CHML: variants seen among roughly 807,000 people sequenced by gnomAD.
The protein encoded by CHML is CHM like Rab escort protein.
A neutral mutation model predicts 30.4 loss-of-function variants in CHML; 20 were observed. The observed-to-expected ratio is 0.66, with a 90% CI of 0.46 to 0.95. The LOEUF (loss-of-function observed/expected upper bound fraction) is 0.95. Among genes scored for constraint, CHML ranks in the 40% least tolerant of loss-of-function variants. The pLI is 0.00. For missense variants in CHML, 795 were observed against 768.5 expected, an observed-to-expected ratio of 1.03 and a Z score of -0.41; for synonymous variants, 281 against 275.0, an observed-to-expected ratio of 1.02 and a Z score of -0.22.
chr1:241,639,656 C>T (rs566648093), intron 1 of CHML, among the ~76,000 whole-genome samples: 2 of 150,370 alleles, frequency 1.3e-5, no homozygotes, highest in South Asian at 4.2e-4. Flanking sequence ...GAGTCCTGGA[C>T]AGCGTGGGGC....
rs1353153283 is a variant in CHML at position 241,630,537 on chromosome 1, G to A, written c.*3259C>T. 1 of 151,992 alleles carries A rather than the reference G, an allele frequency of 6.6e-6. No individual in the cohort carries two copies. The highest frequency in any genetic ancestry group is 2.4e-5 in the African/African-American group (1 of 41,436). 9.4% of individuals were successfully genotyped at this position (151,992 alleles called of 1,614,324 possible). A position where few individuals can be genotyped will look rare whatever the true frequency, so the allele number is the denominator to read the frequency against. On this transcript the variant is annotated 3_prime_UTR_variant, in exon 2 of 2. Transcript: ENST00000366553. ...TTTTATACTATAAGTTTTAGCAGTT[G>A]TAAAGCCATGTTAATAGAAAATATT...
rs936982663 is a variant in CHML, at chr1:241,635,900, G to A, written c.-134C>T. The stretch of plus-strand genomic sequence containing the variant: ...AAGTTGCAGGTCCTAGCTGTTTAAC[G>A]GTTACCCTTTTAAAATATTTTTTTT... On this transcript the variant is annotated 5_prime_UTR_variant, in exon 2 of 2. Coordinates refer to ENST00000366553, the MANE Select transcript of CHML (RefSeq NM_001381853.1). 2.6e-5 allele frequency: 21 copies of A among 823,450 alleles called. No homozygotes were observed. The African/African-American group carries it at 2.6e-4, about 10-fold the overall frequency. 51.0% of individuals were successfully genotyped at this position (823,450 alleles called of 1,614,324 possible). A position where few individuals can be genotyped will look rare whatever the true frequency, so the allele number is the denominator to read the frequency against.
intron 1 of CHML, 68 bp downstream of exon 1, chr1:241,639,814 G>C: frequency 7.4e-7 from 1 of 1,354,106 alleles, no homozygotes; most frequent in Non-Finnish European, 9.6e-7. Context: ...GCGGACGCAC[G>C]GAGCGGGCAG....
rs557166120 is a variant in CHML at position 241,632,219 on chromosome 1, C to T, written c.*1577G>A. On this transcript the variant is annotated 3_prime_UTR_variant, in exon 2 of 2. Transcript: ENST00000366553. ...TTAGTTCTCATTCTCTCTTGTCCAC[C>T]GCCATGTAAGACGTGCCTTTCACCT... is the stretch of plus-strand genomic sequence containing the variant. 4.8e-4 allele frequency: 73 copies of T among 153,130 alleles called. 1 individual carries two copies. In the East Asian group the frequency reaches 9.2e-3, roughly 19 times the overall value. The allele number at this position is 153,130 out of a possible 1,614,324, so 9.5% of individuals were successfully genotyped here. A position where few individuals can be genotyped will look rare whatever the true frequency, so the allele number is the denominator to read the frequency against.
At position 241,632,388 on chromosome 1, in the gene CHML, C is replaced by T. The variant is rs760364068; in HGVS notation, c.*1408G>A. 9.9e-5 allele frequency: 15 copies of T among 152,138 alleles called. No homozygotes were observed. Among genetic ancestry groups the T allele is most frequent in the Non-Finnish European group, 1.9e-4 (13 of 68,018 alleles). The allele number at this position is 152,138 out of a possible 1,614,324, so 9.4% of individuals were successfully genotyped here. On this transcript the variant is annotated 3_prime_UTR_variant, in exon 2 of 2. Coordinates refer to ENST00000366553, the MANE Select transcript of CHML (RefSeq NM_001381853.1). ...AGAGGGTACATGCGAATTTGCCTCA[C>T]AGGATTGTTGAGAAACTGTCATGAG...
chr1:241,631,826 T>C lies in CHML; in HGVS notation c.*1970A>G, dbSNP rs1425992680. ...AGTGTGTGCTTTTTACCCCCGGCAA[T>C]GCTAGACTAATTTTCGTGGGCACTT... is the stretch of plus-strand genomic sequence containing the variant. On this transcript the variant is annotated 3_prime_UTR_variant, in exon 2 of 2. Transcript: ENST00000366553. The C allele has an allele frequency of 1.3e-5, 2 of 152,164 alleles. No individual in the cohort carries two copies. The highest frequency in any genetic ancestry group is 4.8e-5 in the African/African-American group (2 of 41,452). The allele number at this position is 152,164 out of a possible 1,614,324, so 9.4% of individuals were successfully genotyped here.
intron 1 of CHML, among the ~76,000 whole-genome samples, chr1:241,637,389 T>C (rs1216318212): frequency 1.3e-5 from 2 of 152,210 alleles, no homozygotes; most frequent in African/African-American, 4.8e-5. Context: ...CACTCATTTT[T>C]GGCATTCCCT....
chr1:241,636,135 T>A (rs925838003), intron 1 of CHML, 62 bp from the exon 2 acceptor site: 3 of 414,426 alleles, frequency 7.2e-6, no homozygotes, highest in African/African-American at 6.2e-5. Context: ...AATAATTTCA[T>A]GCAACAATGA....
intron 1 of CHML, among the ~76,000 whole-genome samples, chr1:241,637,921 A>G (rs1371943798): frequency 1.3e-5 from 2 of 152,122 alleles, no homozygotes; most frequent in Non-Finnish European, 2.9e-5. Context: ...CTCCCCTTCA[A>G]TACTCCACTG....
chr1:241,629,137 A>T lies in CHML; in HGVS notation c.*4659T>A, dbSNP rs1664516912. The T allele has an allele frequency of 1.3e-5, 2 of 152,544 alleles. No homozygotes were observed. The highest frequency in any genetic ancestry group is 2.9e-5 in the Non-Finnish European group (2 of 68,008). 9.4% of individuals were successfully genotyped at this position (152,544 alleles called of 1,614,324 possible). A position where few individuals can be genotyped will look rare whatever the true frequency, so the allele number is the denominator to read the frequency against. ...GCAATACACCAAAATTTACTTAACC[A>T]TTTCCAATCGTTGGGCTTTTTTCCC... On this transcript the variant is annotated 3_prime_UTR_variant, in exon 2 of 2. Coordinates refer to ENST00000366553, the MANE Select transcript of CHML (RefSeq NM_001381853.1).
rs138760283 is a variant in CHML, at chr1:241,631,851, T to C, written c.*1945A>G. 1.3e-5 allele frequency: 2 copies of C among 152,234 alleles called. No homozygotes were observed. The highest frequency in any genetic ancestry group is 3.9e-4 in the East Asian group (2 of 5,172). The allele number at this position is 152,234 out of a possible 1,614,324, so 9.4% of individuals were successfully genotyped here. A position where few individuals can be genotyped will look rare whatever the true frequency, so the allele number is the denominator to read the frequency against. ...TGCTAGACTAATTTTCGTGGGCACT[T>C]TCTCTTTCTCCTGCAGCGCCTACAC... On this transcript the variant is annotated 3_prime_UTR_variant, in exon 2 of 2. Transcript: ENST00000366553.
At chr1:241,638,285 G>A (rs1392713379) in intron 1 of CHML, among the ~76,000 whole-genome samples, 1 of 152,138 alleles carries the variant, frequency 6.6e-6, no homozygotes, top group Non-Finnish European at 1.5e-5. Flanking sequence ...CAGGAAGGGA[G>A]AAGTGACCAG....
rs1163203434 is a variant in CHML at position 241,633,187 on chromosome 1, T to C, written c.*609A>G. 6.6e-6 allele frequency: 1 copy of C among 152,442 alleles called. No homozygotes were observed. The highest frequency in any genetic ancestry group is 1.5e-5 in the Non-Finnish European group (1 of 68,252). 9.4% of individuals were successfully genotyped at this position (152,442 alleles called of 1,614,324 possible). A position where few individuals can be genotyped will look rare whatever the true frequency, so the allele number is the denominator to read the frequency against. Reference sequence around the variant, plus strand: ...TCATCAGTTACAAGGGTCAAGTGAGTATTATAAACTTCAGACCTTCACAGT... The same window carrying C: ...TCATCAGTTACAAGGGTCAAGTGAGCATTATAAACTTCAGACCTTCACAGT... On this transcript the variant is annotated 3_prime_UTR_variant, in exon 2 of 2. Coordinates refer to ENST00000366553, the MANE Select transcript of CHML (RefSeq NM_001381853.1).
Position 241,635,828 on chromosome 1 carries a change from G to T in CHML, c.-62C>A. On this transcript the variant is annotated 5_prime_UTR_variant, in exon 2 of 2. Coordinates refer to ENST00000366553, the MANE Select transcript of CHML (RefSeq NM_001381853.1). ...GAAAGAAATGAGGTGTGATTATGCT[G>T]TAATAAAATCTGTCCTTCTGATGTT... is the stretch of plus-strand genomic sequence containing the variant. The T allele has an allele frequency of 6.7e-7, 1 of 1,492,628 alleles. No individual in the cohort carries two copies. The highest frequency in any genetic ancestry group is 9.1e-7 in the Non-Finnish European group (1 of 1,101,670). 92.5% of individuals were successfully genotyped at this position (1,492,628 alleles called of 1,614,324 possible). A position where few individuals can be genotyped will look rare whatever the true frequency, so the allele number is the denominator to read the frequency against.
At position 241,634,070 on chromosome 1, in the gene CHML, G is replaced by A. The variant is rs780734695; in HGVS notation, c.1697C>T (p.Ser566Leu). The A allele has an allele frequency of 1.2e-5, 19 of 1,611,958 alleles. No homozygotes were observed. The highest frequency in any genetic ancestry group is 2.2e-5 in the South Asian group (2 of 90,724). ...AACATTGGAAGGCAAGCCATTATAC[G>A]AGCTTCTGCTGATTCCCGAGGAATC... ...MRDSSGISRS[S>L]YNGLPSNVYV... The change falls in exon 2 of 2, where the codon TCG (serine) becomes TTG (leucine). Residue 566 changes from serine (S) to leucine (L), a missense_variant. Ser to Leu is a moderately radical substitution (Grantham distance 145). Transcript: ENST00000366553.
rs1239187407 is a variant in CHML, at chr1:241,634,770, G to A, written c.997C>T (p.Pro333Ser). 1 of 1,613,556 alleles carries A rather than the reference G, an allele frequency of 6.2e-7. No homozygotes were observed. Among genetic ancestry groups the A allele is most frequent in the South Asian group, 1.1e-5 (1 of 91,076 alleles). The change falls in exon 2 of 2, where the codon CCC (proline) becomes TCC (serine). Residue 333 changes from proline to serine, a missense_variant. By Grantham distance (74) the Pro-to-Ser change is moderately conservative. Transcript: ENST00000366553. ...TGCAGTACAAAATGTTGAAGGTTGGGAGTTAGTTTTTTAGTTTTTAAGTAT... is the reference window on the plus strand; with the variant it reads ...TGCAGTACAAAATGTTGAAGGTTGGAAGTTAGTTTTTTAGTTTTTAAGTAT... ...SEYLKTKKLT[P>S]NLQHFVLHSI...
At chr1:241,639,776 C>A in intron 1 of CHML, 106 bp downstream of exon 1, 2 of 982,350 alleles carry the variant, frequency 2.0e-6, no homozygotes, top group South Asian at 4.4e-5. Context: ...CGGGGCCGAG[C>A]GGGAAGCGGT....
rs1447781328 is a variant in CHML at position 241,628,928 on chromosome 1, C to T, written c.*4868G>A. 1 of 152,436 alleles carries T rather than the reference C, an allele frequency of 6.6e-6. No individual in the cohort carries two copies. Among genetic ancestry groups the T allele is most frequent in the African/African-American group, 2.4e-5 (1 of 41,386 alleles). The allele number at this position is 152,436 out of a possible 1,614,324, so 9.4% of individuals were successfully genotyped here. On this transcript the variant is annotated 3_prime_UTR_variant, in exon 2 of 2. Transcript: ENST00000366553. ...TATTTAACAGAAGAAAAATAAAGAACCCCTAATGTTAAACTGAATTACATG... is the reference window on the plus strand; with the variant it reads ...TATTTAACAGAAGAAAAATAAAGAATCCCTAATGTTAAACTGAATTACATG...
rs1176598181 is a variant in CHML, at chr1:241,633,040, A to G, written c.*756T>C. ...CTGCAGAAATTTTCTGAAGTATTAA[A>G]TAAGAATAAATCTTATCTTTCAAAT... On this transcript the variant is annotated 3_prime_UTR_variant, in exon 2 of 2. Transcript: ENST00000366553. 1 of 152,202 alleles carries G rather than the reference A, an allele frequency of 6.6e-6. No homozygotes were observed. Among genetic ancestry groups the G allele is most frequent in the Non-Finnish European group, 1.5e-5 (1 of 68,030 alleles). 9.4% of individuals were successfully genotyped at this position (152,202 alleles called of 1,614,324 possible).
Sources: allele counts gnomAD v4.1 joint callset (sites outside exome capture counted in the v4.1 genomes callset), GRCh38; gene constraint gnomAD v4.1.1; transcripts MANE v1.5; gene names NCBI Gene and HGNC (gene_info 2026-07-23, HGNC 2026-07-21).